NBPF9: variants seen among roughly 807,000 people sequenced by gnomAD.
NBPF9 encodes the protein NBPF family member NBPF9.
NBPF9 carries 91 observed loss-of-function variants against 97.8 expected under a neutral mutation model. The observed-to-expected ratio is 0.93, with a 90% confidence interval of 0.79 to 1.11. The LOEUF is 1.11. Ranked by LOEUF, NBPF9 falls within the 50% of genes least tolerant of loss-of-function variation. NBPF9 has a pLI of 0.00. For missense variants in NBPF9, 992 were observed against 939.5 expected, an observed-to-expected ratio of 1.06 and a Z score of -0.73; for synonymous variants, 334 against 359.5, an observed-to-expected ratio of 0.93 and a Z score of 0.80.
At chr1:149,063,915 G>C in intron 19 of NBPF9, 110 bp from the exon 20 acceptor site, 2 of 662,816 alleles carry the variant, frequency 3.0e-6, no homozygotes, top group South Asian at 1.8e-5. Context: ...AAAAAGGACA[G>C]ATCCATTAAT....
At chr1:149,092,992 G>A (rs1213336808) in intron 4 of NBPF9, among the ~76,000 whole-genome samples, 2 of 151,562 alleles carry the variant, frequency 1.3e-5, no homozygotes, top group African/African-American at 4.8e-5. Context: ...TGGGCCCAGG[G>A]GACCGGCGTT....
At chr1:149,101,236 A>G (rs2082127046) in intron 3 of NBPF9, 26 bp downstream of exon 3, 1 of 150,680 alleles carries the variant, frequency 6.6e-6, no homozygotes, top group Middle Eastern at 3.4e-3. Flanking sequence ...AAAATACAGA[A>G]AAGAGCTGAG....
At chr1:149,070,864 G>C (rs587739952) in intron 16 of NBPF9, 70 bp downstream of exon 16, 5 of 1,278,208 alleles carry the variant, frequency 3.9e-6, no homozygotes, top group Non-Finnish European at 5.6e-6. Flanking sequence ...TGTGTTTATA[G>C]AGCCTGTCTT....
In NBPF9 at chr1:149,077,768, A is replaced by T. The variant is rs1241966192; in HGVS notation, c.566+115T>A. 27 of 1,436,166 alleles carry T rather than the reference A, an allele frequency of 1.9e-5. 1 individual carries two copies. Among genetic ancestry groups the T allele is most frequent in the Non-Finnish European group, 2.4e-5 (25 of 1,022,736 alleles). The allele number at this position is 1,436,166 out of a possible 1,614,324, so 89.0% of individuals were successfully genotyped here. On this transcript the variant is annotated intron_variant, in intron 10 of 29. Coordinates refer to ENST00000584027, the Ensembl canonical transcript of NBPF9. ...GTCTAAGCTGGGTTCAATTTCACAT[A>T]CTGTGGCCAAGGGGATGCGGGCTTT...
intron 5 of NBPF9, among the ~76,000 whole-genome samples, chr1:149,082,786 T>TC (rs1361509102): frequency 4.0e-5 from 6 of 149,012 alleles, no homozygotes; most frequent in African/African-American, 1.5e-4. Flanking sequence ...TTTTGACTTT[T>TC]TTTTTTTTTT....
intron 4 of NBPF9, among the ~76,000 whole-genome samples, chr1:149,097,700 A>C (rs1173286836): frequency 0.011 from 1,643 of 152,114 alleles, 29 homozygotes; most frequent in African/African-American, 0.037. Flanking sequence ...GGTGGGTTCC[A>C]TGGGGTAGTG....
At chr1:149,082,957 C>CTTTTCT (rs2080627697) in intron 5 of NBPF9, among the ~76,000 whole-genome samples, 2 of 66,470 alleles carry the variant, frequency 3.0e-5, no homozygotes, top group East Asian at 6.2e-4. Context: ...TTTTTCTTTT[C>CTTTTCT]TTTTTTTTTT....
At chr1:149,081,350 C>A (rs1301192749) in intron 7 of NBPF9, among the ~76,000 whole-genome samples, 2 of 151,976 alleles carry the variant, frequency 1.3e-5, no homozygotes, top group Non-Finnish European at 2.9e-5. Flanking sequence ...AAACTGCTGA[C>A]CTCGTGCTCT....
chr1:149,079,545 A>G (rs2080223877), intron 8 of NBPF9, among the ~76,000 whole-genome samples: 1 of 149,614 alleles, frequency 6.7e-6, no homozygotes, highest in African/African-American at 2.5e-5. Context: ...TTTCCATGTG[A>G]AAATACACAT....
chr1:149,096,005 T>C (rs1553661427), intron 4 of NBPF9, among the ~76,000 whole-genome samples: 1 of 151,846 alleles, frequency 6.6e-6, no homozygotes, highest in Admixed American at 6.6e-5. Flanking sequence ...GTTGTAGCCA[T>C]ACAATGAAAT....
intron 3 of NBPF9, among the ~76,000 whole-genome samples, chr1:149,099,577 G>T (rs1376412019): frequency 2.6e-5 from 4 of 152,160 alleles, no homozygotes; most frequent in Non-Finnish European, 4.4e-5. Context: ...TGTTGAAAAT[G>T]AGATTGAACA....
At chr1:149,095,876 G>T (rs2081730579) in intron 4 of NBPF9, among the ~76,000 whole-genome samples, 1 of 151,614 alleles carries the variant, frequency 6.6e-6, no homozygotes, top group Non-Finnish European at 1.5e-5. Context: ...CAGTCACTTT[G>T]GAAAACTTAA....
chr1:149,070,281 A>T (rs1324848971), intron 16 of NBPF9, among the ~76,000 whole-genome samples: 2 of 146,020 alleles, frequency 1.4e-5, no homozygotes, highest in Non-Finnish European at 3.0e-5. Flanking sequence ...AGATGGTGCC[A>T]CTGTACTCCA....
chr1:149,062,213 G>A (rs782260495), exon 22 of NBPF9: 4 of 1,019,922 alleles, frequency 3.9e-6, no homozygotes, highest in Admixed American at 1.7e-5. Context: ...CATCTACCCA[G>A]TGAGTCCTGC....
intron 9 of NBPF9, 112 bp from the exon 10 acceptor site, chr1:149,078,067 A>C: frequency 1.1e-6 from 1 of 891,274 alleles, no homozygotes; most frequent in Non-Finnish European, 1.7e-6. Flanking sequence ...CATTGTACTG[A>C]AAACTCTCAT....
At chr1:149,076,415 TC>T (rs2079874132) in intron 11 of NBPF9, among the ~76,000 whole-genome samples, 1 of 151,236 alleles carries the variant, frequency 6.6e-6, no homozygotes, top group African/African-American at 2.4e-5. Context: ...CAGGCTGGTT[TC>T]GAACTCCTGA....
chr1:149,055,461 A>G, exon 30 of NBPF9: 1 of 955,204 alleles, frequency 1.0e-6, no homozygotes, highest in South Asian at 1.7e-5. Context: ...TGAACGTGTC[A>G]CACCTAACGT....
At chr1:149,093,476 G>T (rs587704889) in intron 4 of NBPF9, among the ~76,000 whole-genome samples, 1 of 151,336 alleles carries the variant, frequency 6.6e-6, no homozygotes, top group African/African-American at 2.4e-5. Context: ...TTCCCACGAG[G>T]CTGTATTTCA....
rs1160444859 is a variant in NBPF9 at position 149,080,035 on chromosome 1, C to A, written c.278+18G>T. 7.0e-6 allele frequency: 11 copies of A among 1,582,460 alleles called. No individual in the cohort carries two copies. Among genetic ancestry groups the A allele is most frequent in the African/African-American group, 5.4e-5 (4 of 74,748 alleles). On this transcript the variant is annotated intron_variant, in intron 8 of 29. Coordinates refer to ENST00000584027, the Ensembl canonical transcript of NBPF9. ...CTACACACCTACCCGCCTGCCTCCCCCCACGGGGTCCCCTCACCTGAGCTC... is the reference window on the plus strand; with the variant it reads ...CTACACACCTACCCGCCTGCCTCCCACCACGGGGTCCCCTCACCTGAGCTC...
Sources: gnomAD v4.1 joint callset for allele counts (sites outside exome capture counted in the v4.1 genomes callset) on GRCh38, gnomAD v4.1.1 for gene constraint, MANE v1.5 for transcripts, NCBI Gene and HGNC (gene_info 2026-07-23, HGNC 2026-07-21) for gene names.